The following BRINP3 variants were observed in gnomAD, a reference collection of about 807,000 sequenced individuals.
BRINP3 encodes the protein BMP/retinoic acid-inducible neural-specific protein 3.
A neutral mutation model predicts 71.0 loss-of-function variants in BRINP3; 19 were observed. The observed-to-expected ratio is 0.27, with a 90% CI of 0.19 to 0.39. The LOEUF (loss-of-function observed/expected upper bound fraction) is 0.39. Among genes scored for constraint, BRINP3 ranks in the 10% least tolerant of loss-of-function variants. The probability of loss-of-function intolerance (pLI) is 1.00; values close to 1 mark genes in which losing one functional copy is unlikely to be tolerated. For synonymous variants in BRINP3, 380 were observed against 337.7 expected (o/e 1.13, Z -1.37); for missense variants, 959 against 940.8 (o/e 1.02, Z -0.25).
intron 7 of BRINP3, among the ~76,000 whole-genome samples, chr1:190,123,313 A>G (rs182595190): frequency 6.6e-6 from 1 of 152,124 alleles, no homozygotes; most frequent in Non-Finnish European, 1.5e-5. Context: ...TGGGGCAAAT[A>G]TGCAGATGCT....
chr1:190,386,534 CTGTT>C (rs1460068107), intron 2 of BRINP3, among the ~76,000 whole-genome samples: 1 of 151,868 alleles, frequency 6.6e-6, no homozygotes, highest in African/African-American at 2.4e-5. Flanking sequence ...CTTTAAATCT[CTGTT>C]AGTGAGATTA....
chr1:190,413,158 T>G (rs570800218), intron 2 of BRINP3, among the ~76,000 whole-genome samples: 5 of 152,238 alleles, frequency 3.3e-5, no homozygotes, highest in Non-Finnish European at 5.9e-5. Flanking sequence ...GAAAGGAAGG[T>G]GTGCATGTGT....
intron 6 of BRINP3, among the ~76,000 whole-genome samples, chr1:190,222,317 T>C (rs1291169514): frequency 1.3e-5 from 2 of 151,400 alleles, no homozygotes; most frequent in Non-Finnish European, 3.0e-5. Flanking sequence ...GGACAGCTAA[T>C]GAGTCAATTA....
chr1:190,224,522 A>G (rs936890369), intron 6 of BRINP3, among the ~76,000 whole-genome samples: 19 of 151,950 alleles, frequency 1.3e-4, no homozygotes, highest in African/African-American at 4.6e-4. Context: ...TTAAAAATAT[A>G]AAACTAAAAA....
intron 1 of BRINP3, among the ~76,000 whole-genome samples, chr1:190,468,725 T>A (rs1486136414): frequency 6.6e-6 from 1 of 151,140 alleles, no homozygotes; most frequent in Non-Finnish European, 1.5e-5. Flanking sequence ...TGTATATCTT[T>A]TGGGGGGTGG....
intron 1 of BRINP3, among the ~76,000 whole-genome samples, chr1:190,476,490 T>A (rs908193401): frequency 6.6e-6 from 1 of 152,114 alleles, no homozygotes; most frequent in Non-Finnish European, 1.5e-5. Flanking sequence ...AAGATTAAAA[T>A]GTTTCTCAAC....
At chr1:190,191,799 A>T (rs1342004113) in intron 6 of BRINP3, among the ~76,000 whole-genome samples, 1 of 152,154 alleles carries the variant, frequency 6.6e-6, no homozygotes, top group East Asian at 1.9e-4. Context: ...CATAATTTGC[A>T]TTGAAATCTT....
At chr1:190,428,460 GA>G (rs1572023190) in intron 2 of BRINP3, among the ~76,000 whole-genome samples, 1 of 151,224 alleles carries the variant, frequency 6.6e-6, no homozygotes, top group Non-Finnish European at 1.5e-5. Flanking sequence ...TTTTTCTAAT[GA>G]AAAAAAGTAT....
chr1:190,223,855 A>C (rs1209174720), intron 6 of BRINP3, among the ~76,000 whole-genome samples: 1 of 151,860 alleles, frequency 6.6e-6, no homozygotes, highest in Non-Finnish European at 1.5e-5. Context: ...GAAATCAACA[A>C]ATAATCTGAA....
chr1:190,244,480 C>T (rs1295471491), intron 4 of BRINP3, among the ~76,000 whole-genome samples: 1 of 152,048 alleles, frequency 6.6e-6, no homozygotes, highest in Non-Finnish European at 1.5e-5. Flanking sequence ...ATCTGTTTTG[C>T]TTTCTTTGAC....
chr1:190,277,184 A>G (rs1054035303), intron 3 of BRINP3, among the ~76,000 whole-genome samples: 2 of 144,846 alleles, frequency 1.4e-5, no homozygotes, highest in Non-Finnish European at 1.5e-5. Context: ...TTTGTAAACA[A>G]TCCTCACTGT....
chr1:190,389,890 G>A (rs1049986821), intron 2 of BRINP3, among the ~76,000 whole-genome samples: 10 of 151,700 alleles, frequency 6.6e-5, no homozygotes, highest in African/African-American at 2.4e-4. Flanking sequence ...GAAATAAAAT[G>A]GACAAAAATG....
chr1:190,172,653 C>T (rs1254502925), intron 6 of BRINP3, among the ~76,000 whole-genome samples: 1 of 152,068 alleles, frequency 6.6e-6, no homozygotes, highest in Non-Finnish European at 1.5e-5. Flanking sequence ...CTCCCCAAAC[C>T]CTCCTCCTTG....
intron 2 of BRINP3, among the ~76,000 whole-genome samples, chr1:190,312,020 G>A (rs1665557489): frequency 1.1e-5 from 1 of 90,670 alleles, no homozygotes; most frequent in Admixed American, 1.3e-4. Context: ...AAAAATACAT[G>A]ATATTTGAAA....
chr1:190,338,005 A>G (rs1212752264), intron 2 of BRINP3, among the ~76,000 whole-genome samples: 2 of 152,082 alleles, frequency 1.3e-5, no homozygotes, highest in Non-Finnish European at 2.9e-5. Context: ...TTCTTCAACT[A>G]TACTTTAAAA....
At chr1:190,234,868 C>T (rs1558092762) in intron 4 of BRINP3, among the ~76,000 whole-genome samples, 1 of 152,114 alleles carries the variant, frequency 6.6e-6, no homozygotes, top group Non-Finnish European at 1.5e-5. Flanking sequence ...ATCTGCCAGG[C>T]TACTCTCTCA....
intron 2 of BRINP3, among the ~76,000 whole-genome samples, chr1:190,425,591 A>T (rs1238062319): frequency 6.6e-6 from 1 of 151,768 alleles, no homozygotes; most frequent in Non-Finnish European, 1.5e-5. Context: ...GTATCAACAT[A>T]TTTAACAAGG....
chr1:190,244,402 C>T (rs17368045), intron 4 of BRINP3, among the ~76,000 whole-genome samples: 25,822 of 152,082 alleles, frequency 0.17, 2,661 homozygotes, highest in Non-Finnish European at 0.23. Context: ...TTGATACTCA[C>T]CTAGCATCTC....
intron 6 of BRINP3, among the ~76,000 whole-genome samples, chr1:190,208,592 T>C (rs36020344): frequency 0.4 from 60,871 of 151,790 alleles, 13,107 homozygotes; most frequent in Non-Finnish European, 0.49. Flanking sequence ...GTCTCCCGGT[T>C]CAAGCGTTTC....
Sources: gnomAD v4.1 joint callset for allele counts (sites outside exome capture counted in the v4.1 genomes callset) on GRCh38, gnomAD v4.1.1 for gene constraint, MANE v1.5 for transcripts, NCBI Gene and HGNC (gene_info 2026-07-23, HGNC 2026-07-21) for gene names.